HS3ST4: variants seen among roughly 807,000 people sequenced by gnomAD.
HS3ST4 encodes the protein heparan sulfate-glucosamine 3-sulfotransferase 4, also known as heparan sulfate glucosamine 3-O-sulfotransferase 4.
HS3ST4 carries 17 observed loss-of-function variants against 29.2 expected under a neutral mutation model. That is an observed-to-expected ratio of 0.58 (90% CI 0.40 to 0.87). The LOEUF is 0.87. Ranked by LOEUF, HS3ST4 falls within the 40% of genes least tolerant of loss-of-function variation. HS3ST4 has a pLI of 0.00. For missense variants in HS3ST4, 627 were observed against 634.5 expected (o/e 0.99, Z 0.13); for synonymous variants, 314 against 285.7 (o/e 1.10, Z -1.00).
At chr16:26,108,220 A>G (rs951505521) in intron 1 of HS3ST4, among the ~76,000 whole-genome samples, 3 of 151,968 alleles carry the variant, frequency 2.0e-5, no homozygotes, top group Non-Finnish European at 4.4e-5. Context: ...GCCTTTTTTC[A>G]TATATTTCTT....
intron 1 of HS3ST4, among the ~76,000 whole-genome samples, chr16:25,817,221 A>G (rs528852034): frequency 1.3e-5 from 2 of 152,318 alleles, no homozygotes; most frequent in East Asian, 1.9e-4. Flanking sequence ...TTGATAGAGT[A>G]AAATGAGAGA....
At chr16:26,083,480 AT>A (rs1312585427) in intron 1 of HS3ST4, among the ~76,000 whole-genome samples, 5 of 151,774 alleles carry the variant, frequency 3.3e-5, no homozygotes, top group Admixed American at 1.3e-4. Flanking sequence ...AGAGTCAACA[AT>A]TTTTTTTTCC....
At chr16:25,718,667 A>G (rs1966473845) in intron 1 of HS3ST4, among the ~76,000 whole-genome samples, 1 of 152,190 alleles carries the variant, frequency 6.6e-6, no homozygotes, top group African/African-American at 2.4e-5. Context: ...CCAATTAGGT[A>G]TGATAACGAG....
chr16:25,857,579 A>G (rs1967586345), intron 1 of HS3ST4, among the ~76,000 whole-genome samples: 1 of 152,178 alleles, frequency 6.6e-6, no homozygotes, highest in African/African-American at 2.4e-5. Flanking sequence ...GTGTTTGTAC[A>G]GGGATTCACA....
intron 1 of HS3ST4, among the ~76,000 whole-genome samples, chr16:25,927,936 C>G (rs939859815): frequency 1.3e-5 from 2 of 150,064 alleles, no homozygotes; most frequent in African/African-American, 4.9e-5. Flanking sequence ...CAGTGGCTCA[C>G]GCCTGTAATC....
At chr16:26,110,440 T>C (rs1201529606) in intron 1 of HS3ST4, among the ~76,000 whole-genome samples, 1 of 152,092 alleles carries the variant, frequency 6.6e-6, no homozygotes, top group Non-Finnish European at 1.5e-5. Context: ...CATGCCCAAG[T>C]CTTCTCCTCC....
intron 1 of HS3ST4, among the ~76,000 whole-genome samples, chr16:25,961,519 A>G (rs1490457707): frequency 6.6e-6 from 1 of 152,190 alleles, no homozygotes; most frequent in Non-Finnish European, 1.5e-5. Flanking sequence ...CTTGCCAGAC[A>G]ATGGGCCTAT....
At chr16:26,009,150 T>A (rs1426543230) in intron 1 of HS3ST4, among the ~76,000 whole-genome samples, 1 of 152,222 alleles carries the variant, frequency 6.6e-6, no homozygotes, top group Non-Finnish European at 1.5e-5. Context: ...TATTTCCCTT[T>A]CTTTGCTTTC....
intron 1 of HS3ST4, among the ~76,000 whole-genome samples, chr16:26,133,974 A>ACTTTGGT (rs959989533): frequency 2.6e-5 from 4 of 152,212 alleles, no homozygotes; most frequent in African/African-American, 9.7e-5. Flanking sequence ...TCTTCAATTA[A>ACTTTGGT]CTTTGGTCTA....
At chr16:25,980,598 G>A (rs561320873) in intron 1 of HS3ST4, among the ~76,000 whole-genome samples, 1 of 152,274 alleles carries the variant, frequency 6.6e-6, no homozygotes, top group South Asian at 2.1e-4. Flanking sequence ...AGCCAGGAAG[G>A]TTATGACAAA....
chr16:26,127,561 C>G (rs1899361827), intron 1 of HS3ST4, among the ~76,000 whole-genome samples: 1 of 152,224 alleles, frequency 6.6e-6, no homozygotes. Context: ...TCTCCTGCCT[C>G]TAGTTCCATT....
chr16:25,698,839 G>A (rs1966316254), intron 1 of HS3ST4, among the ~76,000 whole-genome samples: 1 of 152,164 alleles, frequency 6.6e-6, no homozygotes, highest in Admixed American at 6.5e-5. Flanking sequence ...CAACTTCAGG[G>A]CTCAGACAGG....
chr16:26,120,506 T>C (rs1244289354), intron 1 of HS3ST4, among the ~76,000 whole-genome samples: 1 of 152,226 alleles, frequency 6.6e-6, no homozygotes, highest in African/African-American at 2.4e-5. Flanking sequence ...AGGGGGCTTC[T>C]GGCTGAATTT....
intron 1 of HS3ST4, among the ~76,000 whole-genome samples, chr16:25,714,560 T>G (rs1237786382): frequency 1.3e-5 from 2 of 152,244 alleles, no homozygotes. Context: ...ATGCAGAACT[T>G]GTCCACAGTC....
chr16:25,904,063 A>C (rs1265942473), intron 1 of HS3ST4, among the ~76,000 whole-genome samples: 1 of 152,000 alleles, frequency 6.6e-6, no homozygotes, highest in African/African-American at 2.4e-5. Flanking sequence ...TGGATGGATG[A>C]CTGGATGAAT....
At chr16:25,796,511 A>G (rs1966886676) in intron 1 of HS3ST4, among the ~76,000 whole-genome samples, 1 of 152,232 alleles carries the variant, frequency 6.6e-6, no homozygotes, top group East Asian at 1.9e-4. Context: ...GCTTGTCACT[A>G]TCAGTTCATT....
At chr16:25,801,084 G>C (rs984547063) in intron 1 of HS3ST4, among the ~76,000 whole-genome samples, 8 of 152,112 alleles carry the variant, frequency 5.3e-5, no homozygotes, top group African/African-American at 1.7e-4. Flanking sequence ...GTTGGGGTGA[G>C]GCCTGAAAAT....
intron 1 of HS3ST4, among the ~76,000 whole-genome samples, chr16:25,999,792 T>A (rs900863464): frequency 3.7e-5 from 5 of 136,638 alleles, no homozygotes; most frequent in South Asian, 2.2e-4. Flanking sequence ...TATATATATT[T>A]TATATATATT....
At chr16:25,833,862 C>G (rs1482892283) in intron 1 of HS3ST4, among the ~76,000 whole-genome samples, 1 of 152,118 alleles carries the variant, frequency 6.6e-6, no homozygotes, top group Admixed American at 6.5e-5. Flanking sequence ...CCTCAGAGAC[C>G]TGAATCGTTT....
Sources: allele counts gnomAD v4.1 joint callset (sites outside exome capture counted in the v4.1 genomes callset), GRCh38; gene constraint gnomAD v4.1.1; transcripts MANE v1.5; gene names NCBI Gene and HGNC (gene_info 2026-07-23, HGNC 2026-07-21).